AATF: variants seen among roughly 807,000 people sequenced by gnomAD.
The protein encoded by AATF is apoptosis antagonizing transcription factor, also known as protein AATF.
AATF carries 48 observed loss-of-function variants against 63.7 expected under a neutral mutation model. The ratio of observed to expected loss-of-function variants is 0.75; its 90% CI spans 0.60 to 0.96. The LOEUF (loss-of-function observed/expected upper bound fraction) is 0.96. Among genes scored for constraint, AATF ranks in the 40% least tolerant of loss-of-function variants. The probability of loss-of-function intolerance (pLI) is 0.00; values close to 1 mark genes in which losing one functional copy is unlikely to be tolerated. For missense variants in AATF, 639 were observed against 685.7 expected (o/e 0.93, Z 0.76); for synonymous variants, 258 against 247.7 (o/e 1.04, Z -0.39).
At chr17:37,001,136 T>C (rs1341278368) in intron 8 of AATF, among the ~76,000 whole-genome samples, 2 of 151,808 alleles carry the variant, frequency 1.3e-5, no homozygotes, top group East Asian at 1.9e-4. Flanking sequence ...CTAGGCAACA[T>C]AGGGAGACCC....
chr17:37,021,584 A>T (rs2071470498), intron 10 of AATF, among the ~76,000 whole-genome samples: 1 of 151,478 alleles, frequency 6.6e-6, no homozygotes, highest in Non-Finnish European at 1.5e-5. Context: ...AGCCAAGATC[A>T]TGCCACTGCA....
chr17:36,984,469 A>G (rs181207081), intron 4 of AATF, among the ~76,000 whole-genome samples: 1 of 152,340 alleles, frequency 6.6e-6, no homozygotes, highest in East Asian at 1.9e-4. Flanking sequence ...GAACAACCAC[A>G]TGAAGATTTT....
At chr17:36,956,722 A>G (rs904984804) in intron 4 of AATF, among the ~76,000 whole-genome samples, 12 of 152,228 alleles carry the variant, frequency 7.9e-5, no homozygotes, top group African/African-American at 2.9e-4. Flanking sequence ...CCCGCTTATA[A>G]TCCCAGCACT....
chr17:37,038,761 T>A (rs2071612901), intron 11 of AATF, among the ~76,000 whole-genome samples: 1 of 152,108 alleles, frequency 6.6e-6, no homozygotes, highest in African/African-American at 2.4e-5. Context: ...AATACAAAAC[T>A]ACCTTTCCCA....
intron 10 of AATF, chr17:37,021,221 G>C (rs546826088): frequency 2.2e-6 from 1 of 452,694 alleles, no homozygotes; most frequent in African/African-American, 2.0e-5. Flanking sequence ...TGCTACTGTT[G>C]TAATAGATGG....
chr17:37,022,113 C>CGTGTTTGTGT (rs1555652537), intron 10 of AATF, among the ~76,000 whole-genome samples: 1 of 145,334 alleles, frequency 6.9e-6, no homozygotes, highest in African/African-American at 2.6e-5. Flanking sequence ...TGGTAACTGC[C>CGTGTTTGTGT]GTGTGTGTGT....
At position 36,986,872 on chromosome 17, in the gene AATF, A is replaced by G. The variant is rs79644705; in HGVS notation, c.947+141A>G. 3,210 of 685,908 alleles carry G rather than the reference A, an allele frequency of 4.7e-3. 85 individuals carry two copies. The African/African-American group carries it at 0.053, about 11-fold the overall frequency. The allele number at this position is 685,908 out of a possible 1,614,324, so 42.5% of individuals were successfully genotyped here. A position where few individuals can be genotyped will look rare whatever the true frequency, so the allele number is the denominator to read the frequency against. The stretch of plus-strand genomic sequence containing the variant: ...GTCTCATATTTACCTGATGGTCAGG[A>G]TGGCACATAAGTTGGTGATTAGATT... On this transcript the variant is annotated intron_variant, in intron 5 of 11. Coordinates refer to ENST00000619387, the MANE Select transcript of AATF (RefSeq NM_012138.4).
intron 8 of AATF, among the ~76,000 whole-genome samples, chr17:36,994,685 T>C (rs533126936): frequency 6.6e-6 from 1 of 152,392 alleles, no homozygotes; most frequent in African/African-American, 2.4e-5. Context: ...CTGTTTGTTA[T>C]GTCATGATCC....
At chr17:37,000,900 T>C (rs539455225) in intron 8 of AATF, among the ~76,000 whole-genome samples, 13 of 150,550 alleles carry the variant, frequency 8.6e-5, no homozygotes, top group Non-Finnish European at 1.6e-4. Context: ...TGCAGTGAGC[T>C]ATGATCATAC....
chr17:36,997,463 A>G (rs1219973082), intron 8 of AATF, among the ~76,000 whole-genome samples: 1 of 152,228 alleles, frequency 6.6e-6, no homozygotes, highest in Non-Finnish European at 1.5e-5. Context: ...TGGCCAACAA[A>G]CATGAAAACA....
intron 11 of AATF, among the ~76,000 whole-genome samples, chr17:37,042,554 A>G (rs1473915568): frequency 4.7e-5 from 7 of 149,292 alleles, no homozygotes; most frequent in Admixed American, 4.0e-4. Context: ...AGCTGGGACT[A>G]CAGGCACACA....
chr17:36,953,990 T>C, intron 4 of AATF, 83 bp downstream of exon 4: 1 of 1,459,708 alleles, frequency 6.9e-7, no homozygotes, highest in Non-Finnish European at 9.3e-7. Context: ...ACTGGGAGCT[T>C]GAGCCATGTT....
At chr17:37,039,769 G>GA (rs1386593535) in intron 11 of AATF, among the ~76,000 whole-genome samples, 5 of 151,658 alleles carry the variant, frequency 3.3e-5, no homozygotes, top group East Asian at 1.9e-4. Flanking sequence ...AACTGGGTTG[G>GA]AAAAAAAACA....
chr17:36,976,507 G>A (rs9892962), intron 4 of AATF, among the ~76,000 whole-genome samples: 39,474 of 152,070 alleles, frequency 0.26, 7,129 homozygotes, highest in African/African-American at 0.52. Flanking sequence ...AATAAAGACA[G>A]TACTATACAT....
intron 8 of AATF, among the ~76,000 whole-genome samples, chr17:36,994,898 C>T (rs966953104): frequency 4.6e-5 from 7 of 152,168 alleles, no homozygotes; most frequent in African/African-American, 1.2e-4. Context: ...AGGTACTTGG[C>T]ATGTGTCTTG....
intron 8 of AATF, among the ~76,000 whole-genome samples, chr17:37,010,873 G>C (rs1265883121): frequency 1.3e-5 from 2 of 152,244 alleles, no homozygotes; most frequent in African/African-American, 4.8e-5. Flanking sequence ...CACAGAGGCG[G>C]AAGGTGGGTT....
intron 4 of AATF, among the ~76,000 whole-genome samples, chr17:36,967,057 T>C (rs2142219486): frequency 6.6e-6 from 1 of 152,334 alleles, no homozygotes; most frequent in South Asian, 2.1e-4. Flanking sequence ...TTTTGTTATA[T>C]CTTTTTTTGT....
chr17:37,048,132 G>T (rs992898181), intron 11 of AATF, among the ~76,000 whole-genome samples: 5 of 152,064 alleles, frequency 3.3e-5, no homozygotes, highest in African/African-American at 1.2e-4. Flanking sequence ...ATTATGATGA[G>T]ATTTCAGGAG....
At chr17:37,055,744 T>A (rs2071792977) in intron 11 of AATF, 1 of 152,282 alleles carries the variant, frequency 6.6e-6, no homozygotes, top group Non-Finnish European at 1.5e-5. Flanking sequence ...CCCACCTCCC[T>A]GATGACAGGG....
Sources: allele counts gnomAD v4.1 joint callset (sites outside exome capture counted in the v4.1 genomes callset), GRCh38; gene constraint gnomAD v4.1.1; transcripts MANE v1.5; gene names NCBI Gene and HGNC (gene_info 2026-07-23, HGNC 2026-07-21).